NALF1: variants seen among roughly 807,000 people sequenced by gnomAD.
NALF1 encodes the protein NALCN channel auxiliary factor 1, also known as family with sequence similarity 155 member A.
NALF1 carries 3 observed loss-of-function variants against 48.4 expected under a neutral mutation model. That is an observed-to-expected ratio of 0.06 (90% CI 0.03 to 0.16). NALF1 has a LOEUF of 0.16. Among genes scored for constraint, NALF1 ranks in the 10% least tolerant of loss-of-function variants. NALF1 has a pLI of 1.00. For synonymous variants in NALF1, 262 were observed against 245.7 expected, an observed-to-expected ratio of 1.07 and a Z score of -0.62; for missense variants, 526 against 571.5, an observed-to-expected ratio of 0.92 and a Z score of 0.81.
chr13:107,218,611 AAAAACAAAC>A (rs1170335838), intron 1 of NALF1, among the ~76,000 whole-genome samples: 25 of 101,692 alleles, frequency 2.5e-4, no homozygotes, highest in Admixed American at 1.6e-3. Flanking sequence ...GGCCGAAAAC[AAAAACAAAC>A]AAAACAAACA....
intron 1 of NALF1, among the ~76,000 whole-genome samples, chr13:107,504,688 C>T (rs1339479685): frequency 6.6e-6 from 1 of 152,132 alleles, no homozygotes; most frequent in Non-Finnish European, 1.5e-5. Context: ...AACCTCAGCC[C>T]CAAAAATCCT....
intron 1 of NALF1, among the ~76,000 whole-genome samples, chr13:107,239,675 A>C (rs1481230721): frequency 1.3e-5 from 2 of 152,244 alleles, no homozygotes; most frequent in Non-Finnish European, 2.9e-5. Context: ...TTAAAGAGGA[A>C]GCCAATTAAT....
chr13:107,340,528 T>C (rs1027410338), intron 1 of NALF1, among the ~76,000 whole-genome samples: 49 of 145,712 alleles, frequency 3.4e-4, no homozygotes, highest in Admixed American at 1.6e-3. Context: ...CTCTCTCTTT[T>C]TTTTTTTAAT....
intron 1 of NALF1, among the ~76,000 whole-genome samples, chr13:107,708,467 T>G (rs1228738754): frequency 6.6e-6 from 1 of 151,380 alleles, no homozygotes; most frequent in Non-Finnish European, 1.5e-5. Flanking sequence ...TCAAGGATCT[T>G]AAATATCTGG....
intron 1 of NALF1, among the ~76,000 whole-genome samples, chr13:107,732,856 C>T (rs2138537158): frequency 6.6e-6 from 1 of 152,254 alleles, no homozygotes; most frequent in South Asian, 2.1e-4. Flanking sequence ...CTTCATTTTT[C>T]ACTCTTCGTC....
rs1156516972 is a variant in NALF1, at chr13:107,287,708, T to TTC, written c.916-76954_916-76953insGA. Among the ~76,000 whole-genome samples, 911 of 124,428 alleles carry TTC rather than the reference T, an allele frequency of 7.3e-3. 11 individuals are homozygous for TTC. The highest frequency in any genetic ancestry group is 0.02 in the South Asian group (81 of 4,048). The allele number at this position is 124,428 out of a possible 152,430, so 81.6% of individuals were successfully genotyped here. The stretch of plus-strand genomic sequence containing the variant: ...TTTTCCTTTCTTTTCTTTTCTTTCT[T>TTC]TTTTTTTTTTTTTTTGAGACAGAGT... On this transcript the variant is annotated intron_variant, in intron 1 of 2. Coordinates refer to ENST00000375915, the MANE Select transcript of NALF1 (RefSeq NM_001080396.3).
intron 1 of NALF1, among the ~76,000 whole-genome samples, chr13:107,508,815 C>T (rs1349555457): frequency 1.3e-5 from 2 of 151,930 alleles, no homozygotes; most frequent in Admixed American, 6.6e-5. Flanking sequence ...CACCTGAAAG[C>T]AGGGCCAAAC....
At chr13:107,660,811 C>T (rs549365161) in intron 1 of NALF1, among the ~76,000 whole-genome samples, 30 of 151,996 alleles carry the variant, frequency 2.0e-4, no homozygotes, top group African/African-American at 6.8e-4. Context: ...GGTTCATCCA[C>T]TGTAACAAAT....
chr13:107,382,679 C>T (rs1461370022), intron 1 of NALF1, among the ~76,000 whole-genome samples: 1 of 152,188 alleles, frequency 6.6e-6, no homozygotes, highest in Admixed American at 6.5e-5. Flanking sequence ...CTGGGACACT[C>T]CCACTGTCCT....
intron 1 of NALF1, among the ~76,000 whole-genome samples, chr13:107,814,852 C>T (rs2138610280): frequency 6.6e-6 from 1 of 152,176 alleles, no homozygotes; most frequent in South Asian, 2.1e-4. Context: ...CTACTGAACA[C>T]TTCACCCAAC....
chr13:107,252,428 G>C (rs1880721734), intron 1 of NALF1, among the ~76,000 whole-genome samples: 1 of 151,154 alleles, frequency 6.6e-6, no homozygotes, highest in Non-Finnish European at 1.5e-5. Context: ...AGAGAGGAGA[G>C]AGGAAAGGAG....
intron 1 of NALF1, among the ~76,000 whole-genome samples, chr13:107,644,652 T>TATATATATATATATATATAC (rs1482700143): frequency 1.4e-5 from 2 of 141,624 alleles, no homozygotes; most frequent in Non-Finnish European, 3.1e-5. Context: ...CATACATATA[T>TATATATATATATATATATAC]ATATATATAT....
chr13:107,202,909 T>C (rs540735744), intron 2 of NALF1, among the ~76,000 whole-genome samples: 5 of 152,340 alleles, frequency 3.3e-5, no homozygotes, highest in African/African-American at 1.2e-4. Context: ...TGTGGAGCTA[T>C]TCTTGTTTCT....
chr13:107,244,429 G>A (rs1411567679), intron 1 of NALF1, among the ~76,000 whole-genome samples: 2 of 152,146 alleles, frequency 1.3e-5, no homozygotes, highest in African/African-American at 4.8e-5. Context: ...ATTATGAGTT[G>A]ATTCATTTGT....
At chr13:107,539,667 T>C (rs1953499751) in intron 1 of NALF1, among the ~76,000 whole-genome samples, 1 of 152,160 alleles carries the variant, frequency 6.6e-6, no homozygotes, top group African/African-American at 2.4e-5. Flanking sequence ...ATACACAAAA[T>C]ATTTTATATA....
chr13:107,304,787 C>T (rs576859318), intron 1 of NALF1, among the ~76,000 whole-genome samples: 26 of 152,286 alleles, frequency 1.7e-4, no homozygotes, highest in East Asian at 5.8e-4. Context: ...GGAGAGAGTT[C>T]GGGGCTTTGC....
intron 1 of NALF1, among the ~76,000 whole-genome samples, chr13:107,501,307 C>T (rs1274543571): frequency 1.3e-5 from 2 of 152,066 alleles, no homozygotes; most frequent in African/African-American, 4.8e-5. Context: ...AACACCACAG[C>T]GTGGGGGATC....
At chr13:107,660,484 C>CA (rs1555316067) in intron 1 of NALF1, among the ~76,000 whole-genome samples, 2 of 139,220 alleles carry the variant, frequency 1.4e-5, no homozygotes, top group Non-Finnish European at 3.1e-5. Flanking sequence ...CACACACACA[C>CA]AACAAAGAAA....
At chr13:107,527,102 C>G (rs1876472664) in intron 1 of NALF1, among the ~76,000 whole-genome samples, 1 of 152,096 alleles carries the variant, frequency 6.6e-6, no homozygotes, top group African/African-American at 2.4e-5. Flanking sequence ...ATTTCAAACA[C>G]AGTTTTTTCT....
Sources: gnomAD v4.1 joint callset for allele counts (sites outside exome capture counted in the v4.1 genomes callset) on GRCh38, gnomAD v4.1.1 for gene constraint, MANE v1.5 for transcripts, NCBI Gene and HGNC (gene_info 2026-07-23, HGNC 2026-07-21) for gene names.